GLT1D1: variants seen among roughly 807,000 people sequenced by gnomAD.
The protein encoded by GLT1D1 is glycosyltransferase 1 domain containing 1.
A neutral mutation model predicts 28.7 loss-of-function variants in GLT1D1; 21 were observed. The ratio of observed to expected loss-of-function variants is 0.73; its 90% CI spans 0.52 to 1.05. The LOEUF (loss-of-function observed/expected upper bound fraction) is 1.05, where lower values mean the gene tolerates loss of function less well. Ranked by LOEUF, GLT1D1 falls within the 50% of genes least tolerant of loss-of-function variation. GLT1D1 has a pLI of 0.00. For missense variants in GLT1D1, 343 were observed against 330.6 expected (o/e 1.04, Z -0.29); for synonymous variants, 147 against 124.8 (o/e 1.18, Z -1.19).
At chr12:128,977,420 A>C (rs542020122) in intron 7 of GLT1D1, among the ~76,000 whole-genome samples, 12 of 152,322 alleles carry the variant, frequency 7.9e-5, no homozygotes, top group Admixed American at 3.9e-4. Flanking sequence ...GTGGCCCTGG[A>C]CCTACATCTG....
intron 5 of GLT1D1, among the ~76,000 whole-genome samples, chr12:128,946,308 G>A (rs550217613): frequency 3.7e-4 from 56 of 152,284 alleles, no homozygotes; most frequent in Middle Eastern, 6.8e-3. Flanking sequence ...CAGGGCTTTT[G>A]TGACATTATC....
chr12:128,880,078 T>C (rs1428988914), intron 2 of GLT1D1, among the ~76,000 whole-genome samples: 1 of 152,222 alleles, frequency 6.6e-6, no homozygotes, highest in African/African-American at 2.4e-5. Flanking sequence ...TTGTTTTGAT[T>C]GACAGTGACA....
chr12:128,874,035 C>CCCTG (rs1566090667), intron 1 of GLT1D1, among the ~76,000 whole-genome samples: 11 of 83,396 alleles, frequency 1.3e-4, no homozygotes, highest in African/African-American at 5.4e-4. Flanking sequence ...CTCCCTCCCT[C>CCCTG]CCTCCCTGCC....
chr12:128,947,560 T>A (rs1273409287), intron 6 of GLT1D1, 102 bp downstream of exon 10: 2 of 1,376,904 alleles, frequency 1.5e-6, no homozygotes, highest in African/African-American at 1.4e-5. Context: ...ATTCTGCACT[T>A]CTCAAAGCTA....
In GLT1D1 at chr12:128,915,622, C is replaced by T. The variant is rs538693210; in HGVS notation, c.375+16335C>T. 2.0e-5 allele frequency among the ~76,000 whole-genome samples: 3 copies of T among 152,244 alleles called. No individual in the cohort carries two copies. In the South Asian group the frequency reaches 6.2e-4, roughly 32 times the overall value. On this transcript the variant is annotated intron_variant, in intron 4 of 7. Transcript: ENST00000281703. ...AGGTGATCCACCCACCTCAGCCTCC[C>T]AAAGTGCTGGGAATCCAGGCATGAG...
At chr12:128,955,904 T>A (rs1361639732) in intron 6 of GLT1D1, among the ~76,000 whole-genome samples, 1 of 151,702 alleles carries the variant, frequency 6.6e-6, no homozygotes, top group Non-Finnish European at 1.5e-5. Flanking sequence ...ACACAGATGC[T>A]CCTCGAGTTA....
At chr12:128,926,645 T>C (rs974376758) in intron 4 of GLT1D1, among the ~76,000 whole-genome samples, 191 bp downstream of exon 7, 35 of 152,224 alleles carry the variant, frequency 2.3e-4, no homozygotes, top group African/African-American at 8.0e-4. Flanking sequence ...TGGAGGAATT[T>C]CTGTTTAGTT....
chr12:128,865,535 A>C (rs936208401), intron 1 of GLT1D1, among the ~76,000 whole-genome samples: 14 of 152,298 alleles, frequency 9.2e-5, no homozygotes. Flanking sequence ...AATAAAAAAC[A>C]ACACAGGCCG....
intron 2 of GLT1D1, among the ~76,000 whole-genome samples, chr12:128,881,313 T>G (rs1271994867): frequency 6.7e-6 from 1 of 148,328 alleles, no homozygotes; most frequent in African/African-American, 2.5e-5. Flanking sequence ...GGCAGATCAC[T>G]TGAAGTTAAG....
intron 1 of GLT1D1, among the ~76,000 whole-genome samples, chr12:128,864,831 G>A (rs977758243): frequency 6.6e-6 from 1 of 152,084 alleles, no homozygotes; most frequent in African/African-American, 2.4e-5. Flanking sequence ...TCAGGGAGAG[G>A]CCCAGAGGCC....
At chr12:128,968,526 G>C (rs529568618) in intron 7 of GLT1D1, among the ~76,000 whole-genome samples, 1 of 147,322 alleles carries the variant, frequency 6.8e-6, no homozygotes, top group South Asian at 2.1e-4. Flanking sequence ...AGCTGAGCAG[G>C]GTCGCAGGTG....
chr12:128,929,093 T>G (rs1265402985), intron 4 of GLT1D1, among the ~76,000 whole-genome samples: 1 of 152,184 alleles, frequency 6.6e-6, no homozygotes, highest in Admixed American at 6.5e-5. Context: ...CCCGGAGAGC[T>G]GCCTCGCCCC....
At chr12:128,951,698 G>T (rs1291766415) in intron 6 of GLT1D1, among the ~76,000 whole-genome samples, 2 of 152,172 alleles carry the variant, frequency 1.3e-5, no homozygotes, top group African/African-American at 2.4e-5. Flanking sequence ...TGCACTGTCC[G>T]CCCAGGCACC....
At chr12:128,863,166 C>T (rs1369727990) in intron 1 of GLT1D1, among the ~76,000 whole-genome samples, 1 of 152,106 alleles carries the variant, frequency 6.6e-6, no homozygotes, top group Non-Finnish European at 1.5e-5. Context: ...TTAGGTTCAA[C>T]AAGGTACGGA....
At position 128,888,704 on chromosome 12, in the gene GLT1D1, GA is replaced by G. The variant is rs769605828; in HGVS notation, c.290del (p.Asn97ThrfsTer21). On this transcript the variant is annotated frameshift_variant, in exon 3 of 8. Transcript: ENST00000281703. LOFTEE classifies it high-confidence loss of function. ...TGTAAATGAAGATGCCAACCAGGCGGAAAAAAACACAGTCATGGGCAGAGTT... is the reference window on the plus strand; with the variant it reads ...TGTAAATGAAGATGCCAACCAGGCGGAAAAAACACAGTCATGGGCAGAGTT... 1 of 1,613,570 alleles carries G rather than the reference GA, an allele frequency of 6.2e-7. No individual in the cohort carries two copies. Among genetic ancestry groups the G allele is most frequent in the South Asian group, 1.1e-5 (1 of 91,014 alleles).
chr12:128,978,779 T>C (rs766200676), intron 7 of GLT1D1, among the ~76,000 whole-genome samples: 44 of 152,166 alleles, frequency 2.9e-4, no homozygotes, highest in Non-Finnish European at 4.3e-4. Flanking sequence ...CCCATTTTTA[T>C]GGTATTTCTT....
intron 7 of GLT1D1, among the ~76,000 whole-genome samples, chr12:128,958,649 C>T (rs1187442033): frequency 7.1e-6 from 1 of 141,518 alleles, no homozygotes; most frequent in Non-Finnish European, 1.5e-5. Context: ...ACTCAGGAGG[C>T]CAAGGCAGGA....
intron 4 of GLT1D1, among the ~76,000 whole-genome samples, chr12:128,924,109 T>G (rs1872938081): frequency 1.3e-5 from 2 of 152,066 alleles, no homozygotes; most frequent in South Asian, 4.1e-4. Flanking sequence ...CAGGGCCTCA[T>G]GCAGCCGGGA....
At chr12:128,972,316 C>T (rs1260962369) in intron 7 of GLT1D1, among the ~76,000 whole-genome samples, 2 of 152,238 alleles carry the variant, frequency 1.3e-5, no homozygotes, top group Admixed American at 6.5e-5. Flanking sequence ...TCCAGCTCCA[C>T]GTGTAGGTAG....
Sources: gnomAD v4.1 joint callset for allele counts (sites outside exome capture counted in the v4.1 genomes callset) on GRCh38, gnomAD v4.1.1 for gene constraint, MANE v1.5 for transcripts, NCBI Gene and HGNC (gene_info 2026-07-23, HGNC 2026-07-21) for gene names.